PLSCR2: variants seen among roughly 807,000 people sequenced by gnomAD.
PLSCR2 encodes the protein phospholipid scramblase 2.
PLSCR2 carries 18 observed loss-of-function variants against 25.3 expected under a neutral mutation model. The ratio of observed to expected loss-of-function variants is 0.71; its 90% CI spans 0.49 to 1.06. The LOEUF (loss-of-function observed/expected upper bound fraction) is 1.06, where lower values mean the gene tolerates loss of function less well. Among genes scored for constraint, PLSCR2 ranks in the 50% least tolerant of loss-of-function variants. PLSCR2 has a pLI of 0.00. For synonymous variants in PLSCR2, 88 were observed against 87.3 expected, an observed-to-expected ratio of 1.01 and a Z score of -0.04; for missense variants, 243 against 269.5, an observed-to-expected ratio of 0.90 and a Z score of 0.69.
chr3:146,473,576 G>A (rs1021705355), intron 1 of PLSCR2, among the ~76,000 whole-genome samples: 2 of 152,048 alleles, frequency 1.3e-5, no homozygotes, highest in Non-Finnish European at 1.5e-5. Context: ...AAAATGCTGC[G>A]ATTACAGGCA....
intron 2 of PLSCR2, among the ~76,000 whole-genome samples, chr3:146,426,220 T>G (rs1470320710): frequency 7.3e-6 from 1 of 137,038 alleles, no homozygotes. Flanking sequence ...CCTCCCTCCT[T>G]CCCTCCCTCC....
Position 146,469,476 on chromosome 3 carries a change from G to C in PLSCR2, c.-292-9192C>G. On this transcript the variant is annotated intron_variant, in intron 1 of 8. Transcript: ENST00000336685. ...ACCCCAGTCCCATAGGGAGGCGACTGAGAAAGCCGCCCCCTTACCCGTGGC... is the reference window on the plus strand; with the variant it reads ...ACCCCAGTCCCATAGGGAGGCGACTCAGAAAGCCGCCCCCTTACCCGTGGC... 1 of 974,392 alleles carries C rather than the reference G, an allele frequency of 1.0e-6. No individual in the cohort carries two copies. Among genetic ancestry groups the C allele is most frequent in the South Asian group, 4.7e-5 (1 of 21,120 alleles). 60.4% of individuals were successfully genotyped at this position (974,392 alleles called of 1,614,324 possible).
chr3:146,492,427 A>T (rs1351187416), intron 1 of PLSCR2, among the ~76,000 whole-genome samples: 1 of 152,104 alleles, frequency 6.6e-6, no homozygotes, highest in African/African-American at 2.4e-5. Flanking sequence ...AAAAAATTTA[A>T]AAAAAAATCA....
chr3:146,458,755 A>G (rs552436602), intron 2 of PLSCR2, among the ~76,000 whole-genome samples: 131 of 152,192 alleles, frequency 8.6e-4, no homozygotes, highest in Middle Eastern at 3.6e-3. Context: ...TTAAACATAT[A>G]AAGACATTTT....
At chr3:146,473,012 T>C in intron 1 of PLSCR2, among the ~76,000 whole-genome samples, 1 of 152,184 alleles carries the variant, frequency 6.6e-6, no homozygotes, top group South Asian at 2.1e-4. Flanking sequence ...CATCATAGAA[T>C]TTTTAACCTT....
At position 146,483,726 on chromosome 3, in the gene PLSCR2, G is replaced by T. The variant is rs78723542; in HGVS notation, c.-293+12169C>A. Among the ~76,000 whole-genome samples the T allele has an allele frequency of 5.2e-3, 791 of 151,236 alleles. 10 individuals are homozygous for T. Among genetic ancestry groups the T allele is most frequent in the African/African-American group, 0.018 (760 of 41,160 alleles). ...TGACTGTTGAAAGAAAAGCAAACAAGCAGGAAGCAGTAACAACAGCATCAA... is the reference window on the plus strand; with the variant it reads ...TGACTGTTGAAAGAAAAGCAAACAATCAGGAAGCAGTAACAACAGCATCAA... On this transcript the variant is annotated intron_variant, in intron 1 of 8. Transcript: ENST00000336685.
intron 1 of PLSCR2, among the ~76,000 whole-genome samples, chr3:146,476,086 C>A (rs913507201): frequency 6.6e-6 from 1 of 151,664 alleles, no homozygotes; most frequent in Non-Finnish European, 1.5e-5. Flanking sequence ...ATAGCGGGGG[C>A]GCCGGGGGGT....
At chr3:146,470,563 A>T (rs1179601480) in intron 1 of PLSCR2, among the ~76,000 whole-genome samples, 1 of 152,126 alleles carries the variant, frequency 6.6e-6, no homozygotes, top group East Asian at 1.9e-4. Context: ...ACAAACAAAA[A>T]CACATGATCT....
At chr3:146,399,824 CCTTT>C (rs2038402529) in intron 2 of PLSCR2, among the ~76,000 whole-genome samples, 1 of 150,808 alleles carries the variant, frequency 6.6e-6, no homozygotes, top group Non-Finnish European at 1.5e-5. Context: ...TTCCTTCCTT[CCTTT>C]CTTCCTTCCC....
At chr3:146,449,317 C>G in exon 6 of PLSCR2, 5 of 1,610,628 alleles carry the variant, frequency 3.1e-6, no homozygotes, top group Non-Finnish European at 4.2e-6. Flanking sequence ...AAAACCCAGA[C>G]CAGTGCTTAG....
chr3:146,455,283 G>T (rs769751020), exon 4 of PLSCR2: 2 of 1,613,974 alleles, frequency 1.2e-6, no homozygotes, highest in Non-Finnish European at 1.7e-6. Context: ...CATCTTAGTG[G>T]TCTTTCCAGA....
intron 1 of PLSCR2, among the ~76,000 whole-genome samples, chr3:146,477,199 A>C (rs2042317947): frequency 6.6e-6 from 1 of 152,152 alleles, no homozygotes; most frequent in Non-Finnish European, 1.5e-5. Flanking sequence ...CTGCATTTTC[A>C]ACTGAGGGAC....
chr3:146,412,254 C>T (rs765803348), intron 2 of PLSCR2, among the ~76,000 whole-genome samples: 1 of 152,136 alleles, frequency 6.6e-6, no homozygotes, highest in African/African-American at 2.4e-5. Context: ...GTAATGTGGT[C>T]TCTGGAGCTG....
downstream of PLSCR2, among the ~76,000 whole-genome samples, chr3:146,440,269 C>G (rs1641644476): frequency 6.6e-6 from 1 of 152,192 alleles, no homozygotes; most frequent in African/African-American, 2.4e-5. Flanking sequence ...ATCTCAAACT[C>G]TGTGCTGGGA....
downstream of PLSCR2, among the ~76,000 whole-genome samples, chr3:146,438,737 G>A (rs1342950909): frequency 1.3e-5 from 2 of 152,152 alleles, no homozygotes; most frequent in East Asian, 3.9e-4. Flanking sequence ...CAATTTGCCA[G>A]TCTGTGTCTT....
intron 2 of PLSCR2, among the ~76,000 whole-genome samples, chr3:146,407,948 G>A (rs2108025749): frequency 6.6e-6 from 1 of 152,292 alleles, no homozygotes; most frequent in Non-Finnish European, 1.5e-5. Context: ...AACAGTTCTT[G>A]ACAGTCATGG....
intron 1 of PLSCR2, among the ~76,000 whole-genome samples, chr3:146,472,609 T>C (rs1346439408): frequency 2.0e-5 from 3 of 150,994 alleles, no homozygotes; most frequent in Non-Finnish European, 4.4e-5. Context: ...TGTATTTTTC[T>C]TTCTTTCATT....
At chr3:146,477,929 T>C (rs1176065155) in intron 1 of PLSCR2, among the ~76,000 whole-genome samples, 2 of 152,222 alleles carry the variant, frequency 1.3e-5, no homozygotes, top group South Asian at 4.1e-4. Context: ...CAATATTTAC[T>C]GTTCTGCAGC....
In PLSCR2 at chr3:146,457,577, T is replaced by A. The variant is rs73865725; in HGVS notation, c.100+834A>T. On this transcript the variant is annotated intron_variant, in intron 3 of 6. Transcript: ENST00000610787. ...ACAGCACGTGGAACAAAGATTCTAC[T>A]GGGTTCATCCAAACTCCCAAGAGAA... 4.1e-3 allele frequency among the ~76,000 whole-genome samples: 632 copies of A among 152,320 alleles called. 7 individuals are homozygous for A. The highest frequency in any genetic ancestry group is 0.014 in the African/African-American group (575 of 41,572).
Sources: gnomAD v4.1 joint callset for allele counts (sites outside exome capture counted in the v4.1 genomes callset) on GRCh38, gnomAD v4.1.1 for gene constraint, MANE v1.5 for transcripts, NCBI Gene and HGNC (gene_info 2026-07-23, HGNC 2026-07-21) for gene names.